The following SLC24A2 variants were observed in gnomAD, a reference collection of about 807,000 sequenced individuals.
The protein encoded by SLC24A2 is solute carrier family 24 member 2.
Under a neutral mutation model 62.0 loss-of-function variants are expected in SLC24A2, and 36 were observed. The observed-to-expected ratio is 0.58, with a 90% confidence interval of 0.44 to 0.77. SLC24A2 has a LOEUF of 0.77. Ranked by LOEUF, SLC24A2 falls within the 30% of genes least tolerant of loss-of-function variation. The pLI, the probability that SLC24A2 is intolerant of heterozygous loss-of-function variation, is 0.00. For synonymous variants in SLC24A2, 358 were observed against 294.0 expected (o/e 1.22, Z -2.23); for missense variants, 846 against 817.9 (o/e 1.03, Z -0.42).
the SLC24A2 span, among the ~76,000 whole-genome samples, chr9:20,257,911 C>T: frequency 6.6e-6 from 1 of 152,158 alleles, no homozygotes; most frequent in Non-Finnish European, 1.5e-5. Context: ...TCCCTTAGCT[C>T]ATGGAGTCTG....
At chr9:20,062,828 G>A in the SLC24A2 span, among the ~76,000 whole-genome samples, 17 of 130,114 alleles carry the variant, frequency 1.3e-4, no homozygotes, top group Non-Finnish European at 2.5e-4. Flanking sequence ...AAAAGTGGGT[G>A]AAGGACATGA....
chr9:19,971,966 C>G, the SLC24A2 span, among the ~76,000 whole-genome samples: 1 of 152,088 alleles, frequency 6.6e-6, no homozygotes, highest in African/African-American at 2.4e-5. Flanking sequence ...TGTCCTTTGA[C>G]TAAGGACAAA....
chr9:20,155,527 A>G, the SLC24A2 span, among the ~76,000 whole-genome samples: 13,345 of 151,888 alleles, frequency 0.088, 1,574 homozygotes, highest in East Asian at 0.57. Context: ...ACAACAAAAA[A>G]CAGAAGCCAA....
the SLC24A2 span, among the ~76,000 whole-genome samples, chr9:19,921,494 T>G: frequency 7.4e-6 from 1 of 135,302 alleles, no homozygotes; most frequent in African/African-American, 2.8e-5. Flanking sequence ...GTCTCCAGCC[T>G]GGGCGACAGA....
chr9:19,656,253 TA>T (rs1278271693), intron 2 of SLC24A2, among the ~76,000 whole-genome samples: 1 of 152,118 alleles, frequency 6.6e-6, no homozygotes, highest in African/African-American at 2.4e-5. Flanking sequence ...ACAACCAATA[TA>T]AAAAAATGAA....
At chr9:19,525,876 C>G (rs892609179) in intron 9 of SLC24A2, among the ~76,000 whole-genome samples, 1 of 150,452 alleles carries the variant, frequency 6.6e-6, no homozygotes, top group African/African-American at 2.5e-5. Context: ...TAAAATTTAG[C>G]CATTTTAAAG....
chr9:19,551,789 G>A (rs1334939645), intron 7 of SLC24A2, among the ~76,000 whole-genome samples: 3 of 152,184 alleles, frequency 2.0e-5, no homozygotes, highest in Middle Eastern at 6.8e-3. Flanking sequence ...GCAATGCTAT[G>A]TCTTGTTTAT....
the SLC24A2 span, among the ~76,000 whole-genome samples, chr9:20,173,349 A>G: frequency 1.5e-3 from 226 of 152,222 alleles, no homozygotes; most frequent in Non-Finnish European, 2.4e-3. Context: ...GACAAGAGAA[A>G]GAAATCAAGG....
chr9:20,247,698 C>G, the SLC24A2 span, among the ~76,000 whole-genome samples: 3 of 152,194 alleles, frequency 2.0e-5, no homozygotes, highest in Admixed American at 6.5e-5. Context: ...ACAGCCCAAA[C>G]AGAGTAAGAT....
At chr9:20,278,152 T>G in the SLC24A2 span, among the ~76,000 whole-genome samples, 1 of 152,062 alleles carries the variant, frequency 6.6e-6, no homozygotes, top group Non-Finnish European at 1.5e-5. Context: ...AGTTAATGGG[T>G]GCAGCACACC....
At chr9:20,269,202 A>G in the SLC24A2 span, among the ~76,000 whole-genome samples, 2 of 152,178 alleles carry the variant, frequency 1.3e-5, no homozygotes, top group South Asian at 2.1e-4. Flanking sequence ...GACACTCAAA[A>G]TCTCAAGTTT....
At chr9:19,563,469 T>A (rs1031382499) in intron 7 of SLC24A2, among the ~76,000 whole-genome samples, 2 of 152,158 alleles carry the variant, frequency 1.3e-5, no homozygotes, top group African/African-American at 4.8e-5. Flanking sequence ...CACTTAAATG[T>A]TTGCTTACTA....
chr9:20,303,099 C>G, the SLC24A2 span, among the ~76,000 whole-genome samples: 1 of 151,904 alleles, frequency 6.6e-6, no homozygotes, highest in African/African-American at 2.4e-5. Context: ...ATATTTTTTA[C>G]TAAGATACAT....
the SLC24A2 span, among the ~76,000 whole-genome samples, chr9:20,129,434 A>T: frequency 6.6e-6 from 1 of 152,282 alleles, no homozygotes; most frequent in East Asian, 1.9e-4. Flanking sequence ...CCAGTAATTT[A>T]CACGAAGAAT....
At chr9:19,794,326 A>G in the SLC24A2 span, among the ~76,000 whole-genome samples, 2 of 152,176 alleles carry the variant, frequency 1.3e-5, no homozygotes, top group Non-Finnish European at 2.9e-5. Context: ...GGTTATAGTT[A>G]TTATCCTAAG....
intron 2 of SLC24A2, among the ~76,000 whole-genome samples, chr9:19,647,068 GCACACACACACACA>G (rs142480390): frequency 5.0e-5 from 4 of 80,050 alleles, no homozygotes; most frequent in South Asian, 1.0e-3. Flanking sequence ...ACACACGCGC[GCACACACACACACA>G]CACACACACA....
At chr9:19,615,085 G>A (rs372202585) in intron 4 of SLC24A2, among the ~76,000 whole-genome samples, 11 of 152,114 alleles carry the variant, frequency 7.2e-5, no homozygotes, top group Middle Eastern at 3.2e-3. Flanking sequence ...GCTCAGAGGC[G>A]GAACCAACCA....
chr9:19,987,816 C>A, the SLC24A2 span, among the ~76,000 whole-genome samples: 1 of 152,178 alleles, frequency 6.6e-6, no homozygotes, highest in Non-Finnish European at 1.5e-5. Context: ...CCAAAGAAAA[C>A]TGAAGCCACC....
At chr9:20,217,009 T>C in the SLC24A2 span, among the ~76,000 whole-genome samples, 1 of 152,114 alleles carries the variant, frequency 6.6e-6, no homozygotes. Flanking sequence ...ATGTATACAT[T>C]TGCTCACCAA....
Sources: gnomAD v4.1 joint callset for allele counts (sites outside exome capture counted in the v4.1 genomes callset) on GRCh38, gnomAD v4.1.1 for gene constraint, MANE v1.5 for transcripts, NCBI Gene and HGNC (gene_info 2026-07-23, HGNC 2026-07-21) for gene names.